GBF1: variants seen among roughly 807,000 people sequenced by gnomAD.
GBF1 encodes Golgi-specific brefeldin A-resistance guanine nucleotide exchange factor 1.
Under a neutral mutation model 210.5 loss-of-function variants are expected in GBF1, and 114 were observed. The observed-to-expected ratio is 0.54, with a 90% confidence interval of 0.47 to 0.63. GBF1 has a LOEUF of 0.63. Among genes scored for constraint, GBF1 ranks in the 30% least tolerant of loss-of-function variants. GBF1 has a pLI of 0.00. For missense variants in GBF1, 1,851 were observed against 2,357.7 expected (o/e 0.79, Z 4.45); for synonymous variants, 850 against 889.2 (o/e 0.96, Z 0.78).
rs756332359 is a variant in GBF1, at chr10:102,359,334, A to T, written c.1079A>T (p.Glu360Val). Residue 360 changes from glutamate to valine, a missense_variant, in exon 11 of 40, where the codon GAG (glutamate) becomes GTG (valine). Around this residue, in one of 3 missense-constraint regions of GBF1, gnomAD observed 804 missense variants for 958.6 expected, o/e 0.84. Transcript: ENST00000369983. ...SVESIPEVLE[E>V]CTSPADHSDS... ...GAGTCCATCCCTGAAGTGTTAGAGGAGTGCACGTCCCCTGCCGACCACTCT... is the reference window on the plus strand; with the variant it reads ...GAGTCCATCCCTGAAGTGTTAGAGGTGTGCACGTCCCCTGCCGACCACTCT... 12 of 1,610,898 alleles carry T rather than the reference A, an allele frequency of 7.4e-6. No individual in the cohort carries two copies. In the East Asian group the frequency reaches 2.5e-4, roughly 33 times the overall value.
chr10:102,337,245 G>A lies in GBF1; in HGVS notation c.164-6806G>A, dbSNP rs538129439. Reference sequence around the variant, plus strand: ...TACAAAAAGTTAGCCGGGCATGGTGGTGGGCGCCTGTAGTCCCAGGTACTC... The same window carrying A: ...TACAAAAAGTTAGCCGGGCATGGTGATGGGCGCCTGTAGTCCCAGGTACTC... On this transcript the variant is annotated intron_variant, in intron 3 of 39. Transcript: ENST00000369983. Among the ~76,000 whole-genome samples the A allele has an allele frequency of 4.0e-5, 6 of 148,606 alleles. No homozygotes were observed. In the East Asian group the frequency reaches 1.2e-3, roughly 30 times the overall value.
intron 3 of GBF1, among the ~76,000 whole-genome samples, chr10:102,334,505 G>C (rs897567128): frequency 1.3e-5 from 2 of 152,206 alleles, no homozygotes; most frequent in African/African-American, 4.8e-5. Flanking sequence ...TGAGGCCTTT[G>C]ACATAGATTA....
chr10:102,241,575 G>C (rs1428830048), upstream of GBF1: 1 of 152,436 alleles, frequency 6.6e-6, no homozygotes, highest in Non-Finnish European at 1.5e-5. This position sits in a 1 kb window ranked among gnomAD's most constrained non-coding sequence, Gnocchi z 6.7. Flanking sequence ...GCCGCGGCGA[G>C]CCGCGCGCGT....
the GBF1 span, among the ~76,000 whole-genome samples, chr10:102,237,308 G>A: frequency 1.5e-4 from 23 of 152,266 alleles, no homozygotes; most frequent in African/African-American, 5.3e-4. Flanking sequence ...GCACGTGACT[G>A]AATTGGGAGT....
chr10:102,344,300 T>A (rs945789785), intron 4 of GBF1, 118 bp downstream of exon 4: 1 of 824,076 alleles, frequency 1.2e-6, no homozygotes, highest in Non-Finnish European at 2.0e-6. Flanking sequence ...TCACCTCTTT[T>A]CTTGTAGAAG....
chr10:102,354,552 T>A (rs968750161), intron 8 of GBF1, among the ~76,000 whole-genome samples: 2 of 152,216 alleles, frequency 1.3e-5, no homozygotes, highest in African/African-American at 4.8e-5. Context: ...CCATTTCCAT[T>A]GTGTAGAGCA....
At chr10:102,235,079 G>A in the GBF1 span, among the ~76,000 whole-genome samples, 1 of 152,038 alleles carries the variant, frequency 6.6e-6, no homozygotes, top group Non-Finnish European at 1.5e-5. Flanking sequence ...GCCACATCCA[G>A]GCAGACAGAC....
chr10:102,332,343 A>G (rs2057395360), intron 3 of GBF1, among the ~76,000 whole-genome samples: 1 of 151,302 alleles, frequency 6.6e-6, no homozygotes, highest in South Asian at 2.1e-4. Context: ...GATCGTGTAC[A>G]CTGATGTTGG....
intron 3 of GBF1, among the ~76,000 whole-genome samples, chr10:102,302,410 T>G (rs1458119671): frequency 6.6e-6 from 1 of 151,870 alleles, no homozygotes; most frequent in Non-Finnish European, 1.5e-5. Context: ...GAGTTATAGC[T>G]CAATAAAGCT....
intron 3 of GBF1, among the ~76,000 whole-genome samples, chr10:102,326,919 G>T (rs1565113708): frequency 6.6e-6 from 1 of 152,138 alleles, no homozygotes; most frequent in Non-Finnish European, 1.5e-5. Context: ...GGTTGGTGAA[G>T]GGCTTTCATC....
At chr10:102,362,250 G>A (rs1041013377) in intron 14 of GBF1, among the ~76,000 whole-genome samples, 1 of 151,562 alleles carries the variant, frequency 6.6e-6, no homozygotes, top group African/African-American at 2.4e-5. Flanking sequence ...CAGAGACGGG[G>A]TTTCACCATG....
chr10:102,258,992 G>A lies in GBF1; in HGVS notation c.54G>A (p.Gly18=), dbSNP rs767911532. Residue 18 remains glycine, a synonymous_variant, in exon 2 of 40, where the codon GGG becomes GGA. Coordinates refer to ENST00000369983, the MANE Select transcript of GBF1 (RefSeq NM_001377137.1). ...AAGGGGAGATTAACATTGTGGTTGG[G>A]GCCATCAAACGAAATGCCCGATGGA... ...IIQGEINIVV[G]AIKRNARWST... 3.7e-6 allele frequency: 6 copies of A among 1,609,310 alleles called. No homozygotes were observed. In the African/African-American group the frequency reaches 5.3e-5, roughly 14 times the overall value.
At chr10:102,317,712 G>A (rs532849914) in intron 3 of GBF1, among the ~76,000 whole-genome samples, 2 of 152,072 alleles carry the variant, frequency 1.3e-5, no homozygotes, top group East Asian at 1.9e-4. Flanking sequence ...TTTAGCGCAC[G>A]CAAACACAAT....
chr10:102,339,733 A>G (rs1049162213), intron 3 of GBF1, among the ~76,000 whole-genome samples: 1 of 152,160 alleles, frequency 6.6e-6, no homozygotes, highest in African/African-American at 2.4e-5. Flanking sequence ...ACTTAGACAC[A>G]TAGATCAATG....
At chr10:102,264,546 T>C (rs2073637149) in intron 3 of GBF1, among the ~76,000 whole-genome samples, 1 of 152,222 alleles carries the variant, frequency 6.6e-6, no homozygotes, top group African/African-American at 2.4e-5. Flanking sequence ...TCTCTTGCTC[T>C]CTTTCCCCTC....
chr10:102,324,134 A>C (rs2056687295), intron 3 of GBF1, among the ~76,000 whole-genome samples: 1 of 152,182 alleles, frequency 6.6e-6, no homozygotes, highest in Admixed American at 6.5e-5. Flanking sequence ...AATACGCACC[A>C]AGCAAAGATG....
At chr10:102,291,178 T>A (rs1469608372) in intron 3 of GBF1, among the ~76,000 whole-genome samples, 1 of 152,090 alleles carries the variant, frequency 6.6e-6, no homozygotes, top group Non-Finnish European at 1.5e-5. Context: ...CTGCTTTGTT[T>A]GTTTGTTTGT....
At chr10:102,312,410 C>T (rs1427390976) in intron 3 of GBF1, among the ~76,000 whole-genome samples, 1 of 152,174 alleles carries the variant, frequency 6.6e-6, no homozygotes, top group Admixed American at 6.5e-5. Context: ...GTAGCCACGG[C>T]AGCTCTATGT....
At chr10:102,323,294 C>CCTGGGCA (rs962973654) in intron 3 of GBF1, among the ~76,000 whole-genome samples, 1 of 149,322 alleles carries the variant, frequency 6.7e-6, no homozygotes, top group Non-Finnish European at 1.5e-5. Flanking sequence ...CTTTTTAGTG[C>CCTGGGCA]CTGGGCATGG....
Sources: gnomAD v4.1 joint callset for allele counts (sites outside exome capture counted in the v4.1 genomes callset) on GRCh38, gnomAD v4.1.1 for gene constraint, gnomAD v4.1.1 regional missense constraint, Gnocchi (gnomAD v3.1) non-coding constraint, MANE v1.5 for transcripts, NCBI Gene and HGNC (gene_info 2026-07-23, HGNC 2026-07-21) for gene names.